Variants in ADCY2 observed in about 807,000 individuals in gnomAD.
The protein encoded by ADCY2 is adenylate cyclase type 2.
Under a neutral mutation model 125.2 loss-of-function variants are expected in ADCY2, and 31 were observed. The ratio of observed to expected loss-of-function variants is 0.25; its 90% CI spans 0.19 to 0.33. The LOEUF is 0.33. ADCY2 is among the 10% of genes least tolerant of loss of function. The pLI, the probability that ADCY2 is intolerant of heterozygous loss-of-function variation, is 1.00. For synonymous variants in ADCY2, 512 were observed against 548.4 expected (o/e 0.93, Z 0.93); for missense variants, 904 against 1,418.2 (o/e 0.64, Z 5.82).
At chr5:7,753,147 T>C (rs1405791308) in intron 15 of ADCY2, among the ~76,000 whole-genome samples, 1 of 152,202 alleles carries the variant, frequency 6.6e-6, no homozygotes, top group African/African-American at 2.4e-5. Context: ...TCTGCCCATC[T>C]CAGCCTCCCA....
At chr5:7,482,120 A>G (rs996567249) in intron 2 of ADCY2, among the ~76,000 whole-genome samples, 7 of 152,140 alleles carry the variant, frequency 4.6e-5, no homozygotes, top group Admixed American at 3.3e-4. Context: ...TTCAAAAAGT[A>G]TTGATCTGGG....
chr5:7,615,749 G>A (rs1737733850), intron 3 of ADCY2, among the ~76,000 whole-genome samples: 1 of 152,102 alleles, frequency 6.6e-6, no homozygotes, highest in East Asian at 1.9e-4. Context: ...TTCAACATTA[G>A]ATCATGCAGC....
chr5:7,691,324 A>G (rs1168184186), intron 5 of ADCY2: 1 of 152,394 alleles, frequency 6.6e-6, no homozygotes, highest in East Asian at 1.9e-4. Flanking sequence ...CTGGAAGACC[A>G]GTGACCAAAG....
At chr5:7,797,274 A>G (rs910585332) in intron 20 of ADCY2, 11 of 152,168 alleles carry the variant, frequency 7.2e-5, no homozygotes, top group African/African-American at 2.4e-4. Flanking sequence ...CAACTCGGGA[A>G]ACGTGGACGA....
chr5:7,759,912 G>A (rs1318264473), intron 16 of ADCY2, among the ~76,000 whole-genome samples: 1 of 152,012 alleles, frequency 6.6e-6, no homozygotes, highest in Non-Finnish European at 1.5e-5. Flanking sequence ...AATAGGGTTG[G>A]GGGGTGGGGG....
intron 15 of ADCY2, among the ~76,000 whole-genome samples, chr5:7,751,099 C>T (rs957949921): frequency 4.6e-5 from 7 of 152,144 alleles, no homozygotes; most frequent in Non-Finnish European, 7.3e-5. Context: ...CTCCCATTCA[C>T]GGGCAGTTCA....
intron 2 of ADCY2, among the ~76,000 whole-genome samples, chr5:7,478,266 G>T (rs1561047459): frequency 6.6e-6 from 1 of 152,130 alleles, no homozygotes; most frequent in African/African-American, 2.4e-5. Flanking sequence ...TAACAAAAGG[G>T]TTAACAAGGA....
chr5:7,670,715 A>T (rs1739905158), intron 4 of ADCY2, among the ~76,000 whole-genome samples: 1 of 152,294 alleles, frequency 6.6e-6, no homozygotes, highest in South Asian at 2.1e-4. Flanking sequence ...TTAGATTCTC[A>T]TAAGGAGCAC....
intron 2 of ADCY2, among the ~76,000 whole-genome samples, chr5:7,427,515 G>C (rs1740429226): frequency 6.6e-6 from 1 of 152,032 alleles, no homozygotes; most frequent in Non-Finnish European, 1.5e-5. Context: ...AACAGCATGG[G>C]GGAAACTGCT....
chr5:7,644,526 T>C (rs1268324348), intron 4 of ADCY2, among the ~76,000 whole-genome samples: 2 of 152,144 alleles, frequency 1.3e-5, no homozygotes, highest in East Asian at 3.9e-4. Flanking sequence ...AGTCACCCTG[T>C]CTGGATTATT....
chr5:7,540,556 G>T (rs1579553360), intron 3 of ADCY2, among the ~76,000 whole-genome samples: 1 of 152,154 alleles, frequency 6.6e-6, no homozygotes, highest in East Asian at 1.9e-4. Context: ...TTTCGACACT[G>T]TTGAAGTGTC....
chr5:7,536,294 C>A (rs1425357237), intron 3 of ADCY2, among the ~76,000 whole-genome samples: 1 of 152,210 alleles, frequency 6.6e-6, no homozygotes, highest in Non-Finnish European at 1.5e-5. Context: ...CACATTTCCA[C>A]CCTCAGACCA....
chr5:7,726,319 C>T (rs1741930122), intron 13 of ADCY2, among the ~76,000 whole-genome samples: 1 of 152,152 alleles, frequency 6.6e-6, no homozygotes, highest in African/African-American at 2.4e-5. Flanking sequence ...CTGTATCTCA[C>T]TGATTGTAGT....
At chr5:7,742,121 T>A in intron 14 of ADCY2, among the ~76,000 whole-genome samples, 1 of 125,410 alleles carries the variant, frequency 8.0e-6, no homozygotes, top group Admixed American at 7.9e-5. Flanking sequence ...TAGGAGAGCA[T>A]AGTGCCCAAA....
intron 2 of ADCY2, among the ~76,000 whole-genome samples, chr5:7,446,576 A>T (rs1053487436): frequency 1.3e-5 from 2 of 152,120 alleles, no homozygotes; most frequent in Non-Finnish European, 2.9e-5. Flanking sequence ...ATACATACAT[A>T]CATACATAAA....
chr5:7,725,463 GT>G (rs544305851), intron 13 of ADCY2, among the ~76,000 whole-genome samples: 9 of 149,534 alleles, frequency 6.0e-5, no homozygotes, highest in East Asian at 2.0e-4. Context: ...ACACCAAAAG[GT>G]TTTTTTTTTA....
At chr5:7,826,499 G>A (rs1194115098) in intron 24 of ADCY2, 1 of 669,380 alleles carries the variant, frequency 1.5e-6, no homozygotes, top group East Asian at 2.9e-5. Context: ...TGAATTTTAG[G>A]TTGTTTCCAG....
chr5:7,474,016 G>A (rs1248893524), intron 2 of ADCY2, among the ~76,000 whole-genome samples: 1 of 152,196 alleles, frequency 6.6e-6, no homozygotes, highest in African/African-American at 2.4e-5. Flanking sequence ...TCTCCCCTGG[G>A]AAGCAGCTGT....
intron 2 of ADCY2, among the ~76,000 whole-genome samples, chr5:7,475,394 T>G (rs1185811939): frequency 2.0e-5 from 3 of 151,926 alleles, no homozygotes; most frequent in East Asian, 3.9e-4. Flanking sequence ...ATTTTTTTTT[T>G]TTTTTAGATA....
Sources: allele counts gnomAD v4.1 joint callset (sites outside exome capture counted in the v4.1 genomes callset), GRCh38; gene constraint gnomAD v4.1.1; transcripts MANE v1.5; gene names NCBI Gene and HGNC (gene_info 2026-07-23, HGNC 2026-07-21).